The following STAB2 variants were observed in gnomAD, a reference collection of about 807,000 sequenced individuals.
STAB2 encodes the protein stabilin 2, also known as stabilin-2.
STAB2 carries 288 observed loss-of-function variants against 338.1 expected under a neutral mutation model. The ratio of observed to expected loss-of-function variants is 0.85; its 90% CI spans 0.77 to 0.94. The LOEUF is 0.94. STAB2 is among the 40% of genes least tolerant of loss of function. The pLI, the probability that STAB2 is intolerant of heterozygous loss-of-function variation, is 0.00. For synonymous variants in STAB2, 1,202 were observed against 1,193.3 expected (o/e 1.01, Z -0.15); for missense variants, 3,141 against 3,210.1 (o/e 0.98, Z 0.52).
intron 5 of STAB2, among the ~76,000 whole-genome samples, chr12:103,628,105 A>G (rs1957407913): frequency 6.6e-6 from 1 of 152,212 alleles, no homozygotes; most frequent in African/African-American, 2.4e-5. Context: ...CCAAAAATCC[A>G]CAGCCATAGG....
intron 47 of STAB2, among the ~76,000 whole-genome samples, chr12:103,728,315 G>A (rs940520234): frequency 6.6e-6 from 1 of 151,860 alleles, no homozygotes; most frequent in Non-Finnish European, 1.5e-5. Context: ...TTACCATGTG[G>A]GCCAGGCTGG....
chr12:103,665,287 C>T (rs1874979064), intron 18 of STAB2, among the ~76,000 whole-genome samples: 1 of 152,202 alleles, frequency 6.6e-6, no homozygotes, highest in South Asian at 2.1e-4. Flanking sequence ...GAATCTATAG[C>T]TGCCTTTGGC....
intron 58 of STAB2, among the ~76,000 whole-genome samples, chr12:103,748,716 G>A (rs1343748176): frequency 6.6e-6 from 1 of 151,752 alleles, no homozygotes; most frequent in Non-Finnish European, 1.5e-5. Context: ...AGTCAAGCCT[G>A]GAGGTATATG....
At chr12:103,629,758 G>C (rs773784897) in intron 5 of STAB2, among the ~76,000 whole-genome samples, 2 of 152,210 alleles carry the variant, frequency 1.3e-5, no homozygotes, top group African/African-American at 4.8e-5. Context: ...TCATGTCATA[G>C]CATTTATCCC....
At chr12:103,696,678 G>C (rs570329320) in intron 33 of STAB2, among the ~76,000 whole-genome samples, 4 of 152,306 alleles carry the variant, frequency 2.6e-5, no homozygotes, top group African/African-American at 9.6e-5. Flanking sequence ...AAGGGGAGAA[G>C]AGGAGGAAGA....
intron 39 of STAB2, among the ~76,000 whole-genome samples, chr12:103,710,156 C>A (rs190238791): frequency 1.8e-4 from 27 of 152,240 alleles, no homozygotes; most frequent in African/African-American, 6.0e-4. Context: ...GTTTTTCACC[C>A]CAGCTCCTCC....
chr12:103,721,722 G>A (rs987501823), intron 44 of STAB2, among the ~76,000 whole-genome samples: 1 of 152,198 alleles, frequency 6.6e-6, no homozygotes, highest in African/African-American at 2.4e-5. Context: ...GGACATAGTG[G>A]CTCATGCCTA....
chr12:103,757,029 AT>A (rs1166547782), intron 63 of STAB2, among the ~76,000 whole-genome samples: 12 of 144,178 alleles, frequency 8.3e-5, no homozygotes, highest in Admixed American at 1.4e-4. Flanking sequence ...ATATATATAT[AT>A]AAAATATATA....
At chr12:103,726,955 G>A (rs1566051668) in intron 46 of STAB2, among the ~76,000 whole-genome samples, 2 of 151,892 alleles carry the variant, frequency 1.3e-5, no homozygotes, top group African/African-American at 4.8e-5. Context: ...AGAGACATTG[G>A]AAAAAAATAC....
intron 25 of STAB2, among the ~76,000 whole-genome samples, chr12:103,679,426 A>G (rs1876695629): frequency 6.6e-6 from 1 of 152,106 alleles, no homozygotes; most frequent in Non-Finnish European, 1.5e-5. Flanking sequence ...AAAAAGTGGA[A>G]CTGCTTAGCT....
intron 39 of STAB2, 128 bp downstream of exon 39, chr12:103,708,664 G>A: frequency 1.2e-6 from 1 of 839,258 alleles, no homozygotes. Context: ...ATTCTTTCTT[G>A]CAGCAAAAAG....
intron 24 of STAB2, among the ~76,000 whole-genome samples, chr12:103,677,116 A>G (rs1036245820): frequency 5.3e-5 from 8 of 152,176 alleles, no homozygotes; most frequent in Non-Finnish European, 1.0e-4. Flanking sequence ...TTATAGCTGC[A>G]TGACCTTGGG....
At chr12:103,613,409 G>A (rs1357774866) in intron 3 of STAB2, among the ~76,000 whole-genome samples, 5 of 152,152 alleles carry the variant, frequency 3.3e-5, no homozygotes, top group Admixed American at 2.6e-4. Flanking sequence ...CCCCAGCCTC[G>A]CTGCCGCCTT....
chr12:103,684,864 C>G lies in STAB2; in HGVS notation c.2902-125C>G, dbSNP rs1398540620. 110 of 778,860 alleles carry G rather than the reference C, an allele frequency of 1.4e-4. 1 individual carries two copies. The highest frequency in any genetic ancestry group is 2.2e-4 in the Non-Finnish European group (102 of 465,536). 48.2% of individuals were successfully genotyped at this position (778,860 alleles called of 1,614,324 possible). ...GCAACACTAAAGGGTCTATGGGTTA[C>G]TTCTACCATCTTTCAGCCCCAAATT... On this transcript the variant is annotated intron_variant, in intron 26 of 68. Transcript: ENST00000388887.
At chr12:103,616,761 C>A (rs753886683) in intron 3 of STAB2, among the ~76,000 whole-genome samples, 1 of 152,194 alleles carries the variant, frequency 6.6e-6, no homozygotes, top group Non-Finnish European at 1.5e-5. Context: ...ACAGGGCTGG[C>A]CCTGGCTCCC....
At chr12:103,706,473 G>T (rs1443699040) in intron 37 of STAB2, among the ~76,000 whole-genome samples, 1 of 152,114 alleles carries the variant, frequency 6.6e-6, no homozygotes, top group Non-Finnish European at 1.5e-5. Context: ...CCACTCTCCA[G>T]CATCACAGGC....
intron 9 of STAB2, among the ~76,000 whole-genome samples, chr12:103,643,856 G>A (rs930787493): frequency 1.3e-5 from 2 of 148,354 alleles, no homozygotes; most frequent in Non-Finnish European, 3.0e-5. Flanking sequence ...CACCCGGCCA[G>A]CCGCCCCGTC....
intron 55 of STAB2, 104 bp downstream of exon 55, chr12:103,740,860 A>G (rs993545018): frequency 1.4e-6 from 2 of 1,412,326 alleles, no homozygotes; most frequent in Admixed American, 5.6e-5. Context: ...TGGGGGAAAC[A>G]CTGCTAATAA....
At chr12:103,707,591 A>G (rs1879477357) in intron 38 of STAB2, among the ~76,000 whole-genome samples, 1 of 152,204 alleles carries the variant, frequency 6.6e-6, no homozygotes, top group South Asian at 2.1e-4. Flanking sequence ...TTTTGCAAAA[A>G]CAATGATCTG....
Sources: allele counts gnomAD v4.1 joint callset (sites outside exome capture counted in the v4.1 genomes callset), GRCh38; gene constraint gnomAD v4.1.1; transcripts MANE v1.5; gene names NCBI Gene and HGNC (gene_info 2026-07-23, HGNC 2026-07-21).